Variants in MGAT5 observed in about 807,000 individuals in gnomAD.
The protein encoded by MGAT5 is alpha-1,6-mannosylglycoprotein 6-beta-N-acetylglucosaminyltransferase.
Under a neutral mutation model 94.3 loss-of-function variants are expected in MGAT5, and 30 were observed. That is an observed-to-expected ratio of 0.32 (90% CI 0.24 to 0.43). The LOEUF (loss-of-function observed/expected upper bound fraction) is 0.43, where lower values mean the gene tolerates loss of function less well. Among genes scored for constraint, MGAT5 ranks in the 20% least tolerant of loss-of-function variants. MGAT5 has a pLI of 1.00. For synonymous variants in MGAT5, 310 were observed against 322.9 expected, an observed-to-expected ratio of 0.96 and a Z score of 0.43; for missense variants, 691 against 905.5, an observed-to-expected ratio of 0.76 and a Z score of 3.04.
At chr2:134,174,131 G>T (rs768373983) in intron 1 of MGAT5, among the ~76,000 whole-genome samples, 1 of 152,256 alleles carries the variant, frequency 6.6e-6, no homozygotes, top group Non-Finnish European at 1.5e-5. Flanking sequence ...ATAAGAGGGT[G>T]TCCCTGGGAA....
intron 1 of MGAT5, among the ~76,000 whole-genome samples, chr2:134,125,932 G>T (rs1396233825): frequency 6.6e-6 from 1 of 152,174 alleles, no homozygotes. Context: ...AGGGCTCCTG[G>T]CTCCTCTCAG....
At chr2:134,329,799 G>A (rs888782319) in intron 4 of MGAT5, among the ~76,000 whole-genome samples, 4 of 152,102 alleles carry the variant, frequency 2.6e-5, no homozygotes, top group African/African-American at 9.7e-5. Context: ...CCCCTACACA[G>A]CTCTTCAGAT....
intron 4 of MGAT5, among the ~76,000 whole-genome samples, chr2:134,326,291 T>C (rs1459296551): frequency 1.3e-5 from 2 of 152,092 alleles, no homozygotes; most frequent in African/African-American, 4.8e-5. Context: ...ATTATCGTTA[T>C]GTAGTAATGG....
chr2:134,361,996 G>C (rs911789448), intron 9 of MGAT5, among the ~76,000 whole-genome samples: 2 of 152,156 alleles, frequency 1.3e-5, no homozygotes, highest in Non-Finnish European at 2.9e-5. Context: ...ACAAGGAAGA[G>C]AGTACACAGC....
chr2:134,215,441 G>A (rs2321732), intron 1 of MGAT5, among the ~76,000 whole-genome samples: 35,274 of 152,064 alleles, frequency 0.23, 4,660 homozygotes, highest in Non-Finnish European at 0.29. Context: ...AGCTTTTGGC[G>A]AGGGCCTCAT....
intron 14 of MGAT5, among the ~76,000 whole-genome samples, chr2:134,432,710 TCTGACCTTGGGCAAGTTAC>T (rs1258489270): frequency 5.9e-5 from 9 of 152,234 alleles, no homozygotes; most frequent in Admixed American, 5.9e-4. Flanking sequence ...TCACTGTGTT[TCTGACCTTGGGCAAGTTAC>T]CTAACATCTC....
At chr2:134,204,158 C>A (rs903820041) in intron 1 of MGAT5, among the ~76,000 whole-genome samples, 1 of 152,182 alleles carries the variant, frequency 6.6e-6, no homozygotes, top group Admixed American at 6.5e-5. Flanking sequence ...TTCATGCTAG[C>A]GCTCATTTCA....
At chr2:134,249,252 T>G (rs1682452149), upstream of MGAT5, among the ~76,000 whole-genome samples, 1 of 151,552 alleles carries the variant, frequency 6.6e-6, no homozygotes. Context: ...TTTTTTGAGA[T>G]ATGATACACA....
chr2:134,162,695 A>T (rs371741180), intron 1 of MGAT5, among the ~76,000 whole-genome samples: 2 of 152,234 alleles, frequency 1.3e-5, no homozygotes, highest in South Asian at 4.1e-4. Flanking sequence ...TTGTCCCCTT[A>T]AGGAGACTTA....
chr2:134,235,977 G>A (rs1681619329), intron 1 of MGAT5, among the ~76,000 whole-genome samples: 1 of 152,228 alleles, frequency 6.6e-6, no homozygotes, highest in African/African-American at 2.4e-5. Context: ...TAGGCTGTGA[G>A]TGTCATCATT....
chr2:134,172,036 C>G (rs115468180), intron 1 of MGAT5, among the ~76,000 whole-genome samples: 88 of 152,306 alleles, frequency 5.8e-4, no homozygotes, highest in Non-Finnish European at 9.7e-4. Context: ...AGTAATTGGA[C>G]AAGATTATTT....
chr2:134,206,215 G>A (rs183104679), intron 1 of MGAT5, among the ~76,000 whole-genome samples: 1 of 152,284 alleles, frequency 6.6e-6, no homozygotes, highest in Admixed American at 6.5e-5. Context: ...TAAGAAACCT[G>A]TGATCAGCGA....
chr2:134,143,580 G>A (rs1316599340), intron 1 of MGAT5, among the ~76,000 whole-genome samples: 1 of 152,208 alleles, frequency 6.6e-6, no homozygotes, highest in Non-Finnish European at 1.5e-5. Flanking sequence ...ATGAAGGAAT[G>A]GTTGAGTGGA....
intron 1 of MGAT5, among the ~76,000 whole-genome samples, chr2:134,238,914 C>T (rs1013403665): frequency 2.0e-5 from 3 of 152,146 alleles, no homozygotes; most frequent in African/African-American, 7.2e-5. Context: ...CTACTGTATT[C>T]CAGCCTGGGC....
At chr2:134,162,519 C>G (rs962034959) in intron 1 of MGAT5, among the ~76,000 whole-genome samples, 1 of 152,180 alleles carries the variant, frequency 6.6e-6, no homozygotes, top group African/African-American at 2.4e-5. Flanking sequence ...TCATTTAGTC[C>G]TTAGACGAAT....
chr2:134,230,004 C>A (rs1681277817), intron 1 of MGAT5, among the ~76,000 whole-genome samples: 1 of 152,148 alleles, frequency 6.6e-6, no homozygotes, highest in African/African-American at 2.4e-5. Flanking sequence ...TGGCTGTCAT[C>A]AAAAAGACAG....
At chr2:134,163,952 T>C (rs1321634901) in intron 1 of MGAT5, among the ~76,000 whole-genome samples, 1 of 152,182 alleles carries the variant, frequency 6.6e-6, no homozygotes, top group African/African-American at 2.4e-5. Flanking sequence ...AGTGGCTGAA[T>C]GCACAGACAG....
intron 1 of MGAT5, among the ~76,000 whole-genome samples, chr2:134,152,369 A>G (rs1687259995): frequency 7.6e-6 from 1 of 131,892 alleles, no homozygotes; most frequent in South Asian, 2.6e-4. Flanking sequence ...GCCCTATGGG[A>G]CCCGCCCACC....
chr2:134,308,956 A>C (rs1467280407), intron 2 of MGAT5, among the ~76,000 whole-genome samples: 1 of 152,224 alleles, frequency 6.6e-6, no homozygotes, highest in Non-Finnish European at 1.5e-5. Context: ...GAATATTTTC[A>C]TCACCTCAAA....
Sources: allele counts gnomAD v4.1 joint callset (sites outside exome capture counted in the v4.1 genomes callset), GRCh38; gene constraint gnomAD v4.1.1; transcripts MANE v1.5; gene names NCBI Gene and HGNC (gene_info 2026-07-23, HGNC 2026-07-21).